RAPGEF4: variants seen among roughly 807,000 people sequenced by gnomAD.
RAPGEF4 encodes Rap guanine nucleotide exchange factor 4, also known as RAP guanine-nucleotide-exchange factor (GEF) 4.
Under a neutral mutation model 147.9 loss-of-function variants are expected in RAPGEF4, and 66 were observed. The observed-to-expected ratio is 0.45, with a 90% CI of 0.37 to 0.55. The LOEUF (loss-of-function observed/expected upper bound fraction) is 0.55. Among genes scored for constraint, RAPGEF4 ranks in the 20% least tolerant of loss-of-function variants. The pLI, the probability that RAPGEF4 is intolerant of heterozygous loss-of-function variation, is 0.00. For synonymous variants in RAPGEF4, 419 were observed against 442.7 expected, an observed-to-expected ratio of 0.95 and a Z score of 0.67; for missense variants, 1,071 against 1,257.3, an observed-to-expected ratio of 0.85 and a Z score of 2.24.
intron 16 of RAPGEF4, among the ~76,000 whole-genome samples, chr2:172,997,614 A>G (rs181423209): frequency 3.9e-5 from 6 of 152,252 alleles, no homozygotes; most frequent in Middle Eastern, 3.4e-3. Flanking sequence ...ACCATCTTGT[A>G]TATGACTTTG....
intron 4 of RAPGEF4, among the ~76,000 whole-genome samples, chr2:172,870,103 CT>C (rs1695065773): frequency 6.6e-6 from 1 of 152,172 alleles, no homozygotes; most frequent in Non-Finnish European, 1.5e-5. Context: ...TCACTTCCCT[CT>C]GCTGTTACCA....
chr2:172,748,874 G>A (rs1450704570), intron 1 of RAPGEF4, among the ~76,000 whole-genome samples: 2 of 152,218 alleles, frequency 1.3e-5, no homozygotes, highest in Non-Finnish European at 2.9e-5. Flanking sequence ...CTGCCATTCC[G>A]AATGGGAGAA....
At chr2:172,807,878 A>G (rs1317105999) in intron 3 of RAPGEF4, among the ~76,000 whole-genome samples, 2 of 152,170 alleles carry the variant, frequency 1.3e-5, no homozygotes, top group African/African-American at 2.4e-5. Flanking sequence ...GAGACAATGA[A>G]CTCTTCTTGA....
Position 173,036,321 on chromosome 2 carries a change from C to T in RAPGEF4, c.2788+109C>T, listed in dbSNP as rs538558022. The T allele has an allele frequency of 3.4e-6, 3 of 885,542 alleles. No individual in the cohort carries two copies. In the South Asian group the frequency reaches 4.6e-5, roughly 14 times the overall value. 54.9% of individuals were successfully genotyped at this position (885,542 alleles called of 1,614,324 possible). On this transcript the variant is annotated intron_variant, in intron 28 of 30. Coordinates refer to ENST00000397081, the MANE Select transcript of RAPGEF4 (RefSeq NM_007023.4). ...TTAGGGAAGAATGATCGATCCCATCCTTCTGCCTTCTTTGTCATCTCCTCT... is the reference window on the plus strand; with the variant it reads ...TTAGGGAAGAATGATCGATCCCATCTTTCTGCCTTCTTTGTCATCTCCTCT...
intron 4 of RAPGEF4, among the ~76,000 whole-genome samples, chr2:172,827,276 T>A (rs1358093356): frequency 6.6e-6 from 1 of 152,182 alleles, no homozygotes; most frequent in Non-Finnish European, 1.5e-5. Flanking sequence ...TTTAGCACAG[T>A]TGGGAATCCA....
intron 4 of RAPGEF4, among the ~76,000 whole-genome samples, chr2:172,897,883 C>CTTTATAGTTTGTATAG (rs10683076): frequency 6.6e-6 from 1 of 151,904 alleles, no homozygotes; most frequent in Non-Finnish European, 1.5e-5. Context: ...ATGTACTGTA[C>CTTTATAGTTTGTATAG]TTTGTAAAGC....
chr2:173,007,690 A>G (rs1245845157), intron 17 of RAPGEF4, among the ~76,000 whole-genome samples: 1 of 152,238 alleles, frequency 6.6e-6, no homozygotes, highest in African/African-American at 2.4e-5. Context: ...TACAGTTTTT[A>G]TATAAGTAGG....
chr2:172,897,372 T>A (rs1159543537), intron 4 of RAPGEF4, among the ~76,000 whole-genome samples: 2 of 152,048 alleles, frequency 1.3e-5, no homozygotes, highest in Non-Finnish European at 2.9e-5. Context: ...TTCTCTAGGA[T>A]GCTGGGTTTT....
At position 172,988,678 on chromosome 2, in the gene RAPGEF4, C is replaced by T. The variant is rs1368461074; in HGVS notation, c.1228-15C>T. The T allele has an allele frequency of 1.2e-6, 2 of 1,608,090 alleles. No individual in the cohort carries two copies. The highest frequency in any genetic ancestry group is 1.7e-5 in the Admixed American group (1 of 59,928). On this transcript the variant is annotated splice_polypyrimidine_tract_variant and intron_variant, in intron 13 of 30. Coordinates refer to ENST00000397081, the MANE Select transcript of RAPGEF4 (RefSeq NM_007023.4). ...TTCAGGGATCTTCTTCATCTGTGTG[C>T]TCTACTCTATCCAGGGTGTGGTCTG...
At chr2:172,837,464 G>C (rs1691085245) in intron 4 of RAPGEF4, among the ~76,000 whole-genome samples, 1 of 152,116 alleles carries the variant, frequency 6.6e-6, no homozygotes, top group Non-Finnish European at 1.5e-5. Flanking sequence ...ACCATCCTAT[G>C]ATCAAGCATT....
At chr2:172,862,292 T>C (rs1694133775) in intron 4 of RAPGEF4, among the ~76,000 whole-genome samples, 1 of 152,166 alleles carries the variant, frequency 6.6e-6, no homozygotes, top group African/African-American at 2.4e-5. Context: ...AACAGTGTAT[T>C]GTTCTGATAT....
At chr2:172,761,158 T>G (rs1434719904) in intron 1 of RAPGEF4, among the ~76,000 whole-genome samples, 1 of 150,422 alleles carries the variant, frequency 6.6e-6, no homozygotes. Context: ...GGAGTTTCAC[T>G]CTTGTTGCCC....
intron 4 of RAPGEF4, among the ~76,000 whole-genome samples, chr2:172,816,391 T>C (rs1452760702): frequency 6.6e-6 from 1 of 152,124 alleles, no homozygotes; most frequent in Non-Finnish European, 1.5e-5. Context: ...GTTTTTTTCA[T>C]GGTATCTTTT....
chr2:172,791,069 T>C (rs887818740), intron 1 of RAPGEF4, among the ~76,000 whole-genome samples: 1 of 152,218 alleles, frequency 6.6e-6, no homozygotes. Flanking sequence ...GCCTTTTTTA[T>C]AGCAGCATTA....
chr2:172,866,951 C>CTTTTTTTTTTT (rs368474331), intron 4 of RAPGEF4, among the ~76,000 whole-genome samples: 2 of 139,758 alleles, frequency 1.4e-5, no homozygotes, highest in African/African-American at 2.6e-5. Flanking sequence ...CAAAACTGCT[C>CTTTTTTTTTTT]TTTTTTTTTT....
At chr2:173,026,736 C>A in intron 24 of RAPGEF4, 39 bp downstream of exon 24, 2 of 1,607,842 alleles carry the variant, frequency 1.2e-6, no homozygotes, top group Non-Finnish European at 8.5e-7. Flanking sequence ...GCTGAGATAG[C>A]AAGGATAAAG....
At chr2:172,856,475 T>C (rs1454787837) in intron 4 of RAPGEF4, among the ~76,000 whole-genome samples, 1 of 152,230 alleles carries the variant, frequency 6.6e-6, no homozygotes, top group African/African-American at 2.4e-5. Context: ...TGTCTTTGCA[T>C]GTGTAGTAAT....
intron 23 of RAPGEF4, among the ~76,000 whole-genome samples, chr2:173,024,206 C>CTTTTTTTTT (rs1261549047): frequency 1.5e-5 from 2 of 131,732 alleles, no homozygotes; most frequent in African/African-American, 5.5e-5. Flanking sequence ...TACAGCACTT[C>CTTTTTTTTT]TTTTTTTTAT....
At chr2:172,979,161 T>C (rs1226016811) in intron 10 of RAPGEF4, among the ~76,000 whole-genome samples, 2 of 152,224 alleles carry the variant, frequency 1.3e-5, no homozygotes, top group Non-Finnish European at 2.9e-5. Flanking sequence ...AATAATTAAC[T>C]ATTTGCCATG....
Sources: allele counts gnomAD v4.1 joint callset (sites outside exome capture counted in the v4.1 genomes callset), GRCh38; gene constraint gnomAD v4.1.1; transcripts MANE v1.5; gene names NCBI Gene and HGNC (gene_info 2026-07-23, HGNC 2026-07-21).